Variants in MVB12B observed in about 807,000 individuals in gnomAD.
MVB12B encodes the protein multivesicular body subunit 12B.
In MVB12B, 16 loss-of-function variants were observed where a neutral mutation model predicts 41.6. That is an observed-to-expected ratio of 0.38 (90% CI 0.26 to 0.58). The LOEUF (loss-of-function observed/expected upper bound fraction) is 0.58, where lower values mean the gene tolerates loss of function less well. MVB12B is among the 20% of genes least tolerant of loss of function. The pLI is 0.62. For missense variants in MVB12B, 274 were observed against 380.2 expected (o/e 0.72, Z 2.32); for synonymous variants, 133 against 139.7 (o/e 0.95, Z 0.34).
Position 126,503,698 on chromosome 9 carries a change from C to A in MVB12B, c.*435C>A. On this transcript the variant is annotated 3_prime_UTR_variant, in exon 10 of 10. Transcript: ENST00000361171. ...GTCTCTTCCTGGAAGACCCTGAGGG[C>A]CGGCAGCTTTGCCTAGGACTCTCCA... The A allele has an allele frequency of 5.1e-6, 1 of 197,550 alleles. No homozygotes were observed. Among genetic ancestry groups the A allele is most frequent in the South Asian group, 1.0e-4 (1 of 9,928 alleles). The allele number at this position is 197,550 out of a possible 1,614,324, so 12.2% of individuals were successfully genotyped here.
chr9:126,424,688 ATC>A (rs1588162119), intron 7 of MVB12B, among the ~76,000 whole-genome samples: 1 of 152,210 alleles, frequency 6.6e-6, no homozygotes, highest in Non-Finnish European at 1.5e-5. Context: ...GTCCAGTCGT[ATC>A]TCTCTCTTGC....
intron 9 of MVB12B, among the ~76,000 whole-genome samples, chr9:126,490,035 A>G (rs989737759): frequency 6.6e-6 from 1 of 152,222 alleles, no homozygotes; most frequent in Non-Finnish European, 1.5e-5. Context: ...TCTGTGTCCC[A>G]GAGCCTGGAA....
chr9:126,414,819 A>AG (rs1413748358), intron 6 of MVB12B, among the ~76,000 whole-genome samples: 1 of 150,614 alleles, frequency 6.6e-6, no homozygotes, highest in Non-Finnish European at 1.5e-5. Context: ...TGGACCTCTC[A>AG]GGTTTTTTTT....
chr9:126,455,398 G>T (rs979529153), intron 7 of MVB12B, among the ~76,000 whole-genome samples: 7 of 152,074 alleles, frequency 4.6e-5, no homozygotes, highest in African/African-American at 1.7e-4. Context: ...ATGTTGGCCA[G>T]GATGGTCTCG....
At chr9:126,384,834 ATTTTT>A (rs11299290) in intron 3 of MVB12B, among the ~76,000 whole-genome samples, 2 of 111,068 alleles carry the variant, frequency 1.8e-5, no homozygotes, top group African/African-American at 3.5e-5. Context: ...TGCCTGGCAG[ATTTTT>A]TTTTTTTTTT....
At chr9:126,362,957 C>CG (rs992947375) in intron 2 of MVB12B, among the ~76,000 whole-genome samples, 9 of 152,066 alleles carry the variant, frequency 5.9e-5, no homozygotes, top group African/African-American at 2.2e-4. Flanking sequence ...GAAGCCGAGG[C>CG]GGGGGTATCA....
intron 8 of MVB12B, 35 bp from the exon 9 acceptor site, chr9:126,483,938 G>C: frequency 1.2e-6 from 2 of 1,611,170 alleles, no homozygotes; most frequent in South Asian, 1.1e-5. Context: ...GCATTTTCCA[G>C]CTATTTAAAA....
intron 2 of MVB12B, among the ~76,000 whole-genome samples, chr9:126,372,823 A>G (rs1054063748): frequency 1.3e-5 from 2 of 152,164 alleles, no homozygotes; most frequent in East Asian, 3.8e-4. Flanking sequence ...GAGGCTGTAG[A>G]GTAGGGGATT....
Position 126,395,893 on chromosome 9 carries a change from TA to T in MVB12B, c.662+197del, listed in dbSNP as rs1831099099. Reference sequence around the variant, plus strand: ...CATTACATGAATGCAAAGGCCATTCTATAGTCTATTTTGTGCGTGTTCTGCA... The same window carrying T: ...CATTACATGAATGCAAAGGCCATTCTTAGTCTATTTTGTGCGTGTTCTGCA... On this transcript the variant is annotated intron_variant, in intron 6 of 9. Coordinates refer to ENST00000361171, the MANE Select transcript of MVB12B (RefSeq NM_033446.3). The surrounding 1 kb of genome is among the most constrained non-coding windows in gnomAD (Gnocchi z 4.9). 7.1e-7 allele frequency: 1 copy of T among 1,404,282 alleles called. No individual in the cohort carries two copies. Among genetic ancestry groups the T allele is most frequent in the Admixed American group, 3.1e-5 (1 of 31,846 alleles). The allele number at this position is 1,404,282 out of a possible 1,614,324, so 87.0% of individuals were successfully genotyped here.
Position 126,503,368 on chromosome 9 carries a change from C to A in MVB12B, c.*105C>A, listed in dbSNP as rs953566801. On this transcript the variant is annotated 3_prime_UTR_variant, in exon 10 of 10. Transcript: ENST00000361171. ...CCGCCTCCGCCAGCCCTCCCTCCCA[C>A]ACTGCCCCAGCAGGGCTGGCCCGGA... 2.1e-6 allele frequency: 2 copies of A among 934,336 alleles called. No individual in the cohort carries two copies. Among genetic ancestry groups the A allele is most frequent in the Non-Finnish European group, 3.2e-6 (2 of 618,802 alleles). The allele number at this position is 934,336 out of a possible 1,614,324, so 57.9% of individuals were successfully genotyped here. A position where few individuals can be genotyped will look rare whatever the true frequency, so the allele number is the denominator to read the frequency against.
At chr9:126,479,807 C>T (rs1187780898) in intron 7 of MVB12B, among the ~76,000 whole-genome samples, 2 of 152,212 alleles carry the variant, frequency 1.3e-5, no homozygotes, top group African/African-American at 2.4e-5. Flanking sequence ...AAGAAGGTTT[C>T]GTTTCTTTCC....
At chr9:126,396,439 A>T in intron 6 of MVB12B, 1 of 985,522 alleles carries the variant, frequency 1.0e-6, no homozygotes, top group Non-Finnish European at 1.2e-6. Flanking sequence ...AGGCAGCAAC[A>T]CTTAGGGATT....
At chr9:126,441,857 C>T (rs903512089) in intron 7 of MVB12B, among the ~76,000 whole-genome samples, 3 of 152,228 alleles carry the variant, frequency 2.0e-5, no homozygotes, top group African/African-American at 4.8e-5. Flanking sequence ...ATGATTAGAG[C>T]ATGATGTAGC....
intron 2 of MVB12B, among the ~76,000 whole-genome samples, chr9:126,378,599 C>G (rs1233825353): frequency 6.6e-6 from 1 of 151,980 alleles, no homozygotes; most frequent in African/African-American, 2.4e-5. Context: ...AGGGGAGTCT[C>G]TCTCTCTCTC....
chr9:126,492,346 G>A (rs1161708648), intron 9 of MVB12B, among the ~76,000 whole-genome samples: 1 of 151,372 alleles, frequency 6.6e-6, no homozygotes, highest in African/African-American at 2.4e-5. Context: ...CAATTACACC[G>A]CTGCAATAGA....
chr9:126,327,864 GC>G, intron 1 of MVB12B, among the ~76,000 whole-genome samples: 1 of 152,288 alleles, frequency 6.6e-6, no homozygotes. Context: ...AATGGTGGTT[GC>G]CCCTTCCCTG....
At chr9:126,390,039 A>G (rs1227357233) in intron 4 of MVB12B, among the ~76,000 whole-genome samples, 2 of 152,112 alleles carry the variant, frequency 1.3e-5, no homozygotes, top group African/African-American at 4.8e-5. Flanking sequence ...CCCGGCCCCT[A>G]TAAGAAACCC....
chr9:126,327,388 G>A (rs1436321306), intron 1 of MVB12B: 8 of 943,710 alleles, frequency 8.5e-6, no homozygotes, highest in African/African-American at 1.8e-5. Flanking sequence ...TGACCGGCCT[G>A]GCCTGGGGTC....
Position 126,395,800 on chromosome 9 carries a change from C to T in MVB12B, c.662+103C>T, listed in dbSNP as rs1273327597. On this transcript the variant is annotated intron_variant, in intron 6 of 9. Coordinates refer to ENST00000361171, the MANE Select transcript of MVB12B (RefSeq NM_033446.3). This position sits in a 1 kb window ranked among gnomAD's most constrained non-coding sequence, Gnocchi z 4.9. ...GTGTCTGCTGAAATACTGCAAAGTACAGCTGAATAATTGTAGAAGCAATAT... is the reference window on the plus strand; with the variant it reads ...GTGTCTGCTGAAATACTGCAAAGTATAGCTGAATAATTGTAGAAGCAATAT... The T allele has an allele frequency of 1.3e-6, 2 of 1,528,724 alleles. No individual in the cohort carries two copies. The highest frequency in any genetic ancestry group is 2.3e-5 in the East Asian group (1 of 44,028). The allele number at this position is 1,528,724 out of a possible 1,614,324, so 94.7% of individuals were successfully genotyped here.
Sources: gnomAD v4.1 joint callset for allele counts (sites outside exome capture counted in the v4.1 genomes callset) on GRCh38, gnomAD v4.1.1 for gene constraint, Gnocchi (gnomAD v3.1) non-coding constraint, MANE v1.5 for transcripts, NCBI Gene and HGNC (gene_info 2026-07-23, HGNC 2026-07-21) for gene names.